The following RFT1 variants were observed in gnomAD, a reference collection of about 807,000 sequenced individuals.
RFT1 encodes the protein man(5)GlcNAc(2)-PP-dolichol translocation protein RFT1.
In RFT1, 43 loss-of-function variants were observed where a neutral mutation model predicts 62.2. The observed-to-expected ratio is 0.69, with a 90% CI of 0.54 to 0.89. The LOEUF is 0.89. Among genes scored for constraint, RFT1 ranks in the 40% least tolerant of loss-of-function variants. The pLI, the probability that RFT1 is intolerant of heterozygous loss-of-function variation, is 0.00. For synonymous variants in RFT1, 262 were observed against 264.6 expected, an observed-to-expected ratio of 0.99 and a Z score of 0.10; for missense variants, 605 against 649.9, an observed-to-expected ratio of 0.93 and a Z score of 0.75.
chr3:53,100,326 G>T (rs1701276687), intron 10 of RFT1, among the ~76,000 whole-genome samples: 1 of 152,222 alleles, frequency 6.6e-6, no homozygotes, highest in South Asian at 2.1e-4. Context: ...GCAGAGAACA[G>T]GAGGCTTACA....
chr3:53,124,609 T>C (rs1445970301), intron 2 of RFT1, among the ~76,000 whole-genome samples: 1 of 152,156 alleles, frequency 6.6e-6, no homozygotes, highest in Non-Finnish European at 1.5e-5. Flanking sequence ...GAAGGCTGCC[T>C]GGGGAGAAAA....
At chr3:53,105,055 C>A (rs1701425058) in intron 9 of RFT1, among the ~76,000 whole-genome samples, 1 of 152,242 alleles carries the variant, frequency 6.6e-6, no homozygotes, top group Admixed American at 6.5e-5. Context: ...CTAAGACTAG[C>A]CCATGGCTGG....
chr3:53,091,713 TC>T lies in RFT1; in HGVS notation c.*189del, dbSNP rs564047932. The T allele has an allele frequency of 2.5e-4, 161 of 637,664 alleles. No homozygotes were observed. Among genetic ancestry groups the T allele is most frequent in the Admixed American group, 7.7e-4 (29 of 37,836 alleles). The allele number at this position is 637,664 out of a possible 1,614,324, so 39.5% of individuals were successfully genotyped here. A position where few individuals can be genotyped will look rare whatever the true frequency, so the allele number is the denominator to read the frequency against. ...TTTGGTCTTCACTTAAAAATGAAAC[TC>T]CCCCCCCGCATTTCAGACTTCGAAT... On this transcript the variant is annotated 3_prime_UTR_variant, in exon 13 of 13. Transcript: ENST00000296292.
At chr3:53,114,348 TAAA>T (rs1701734953) in intron 6 of RFT1, among the ~76,000 whole-genome samples, 1 of 152,220 alleles carries the variant, frequency 6.6e-6, no homozygotes, top group Non-Finnish European at 1.5e-5. Context: ...TTGAGCTCTT[TAAA>T]GACAAAGTTC....
At chr3:53,114,943 T>C (rs929552464) in intron 6 of RFT1, among the ~76,000 whole-genome samples, 5 of 152,224 alleles carry the variant, frequency 3.3e-5, no homozygotes, top group Admixed American at 3.3e-4. Context: ...GGGGCTACCA[T>C]CCTGTCCACT....
chr3:53,076,951 CAAAA>C, the RFT1 span, among the ~76,000 whole-genome samples: 1 of 90,302 alleles, frequency 1.1e-5, no homozygotes, highest in Non-Finnish European at 2.4e-5. Flanking sequence ...GACCTCATCT[CAAAA>C]AAAAAAAAAA....
intron 10 of RFT1, among the ~76,000 whole-genome samples, chr3:53,100,973 A>G (rs945224684): frequency 3.9e-5 from 6 of 151,980 alleles, no homozygotes; most frequent in Non-Finnish European, 8.8e-5. Flanking sequence ...AACTCCCAAA[A>G]AAAACACATA....
chr3:53,096,551 C>G (rs758627989), intron 11 of RFT1, among the ~76,000 whole-genome samples: 1 of 151,714 alleles, frequency 6.6e-6, no homozygotes, highest in Middle Eastern at 3.2e-3. Flanking sequence ...TGGGCATGGT[C>G]GCACACCTGT....
chr3:53,070,436 C>T, the RFT1 span, among the ~76,000 whole-genome samples: 8 of 116,884 alleles, frequency 6.8e-5, no homozygotes, highest in East Asian at 2.3e-3. Flanking sequence ...GAGTCTCACT[C>T]TGTCGCCCAG....
intron 9 of RFT1, 126 bp from the exon 10 acceptor site, chr3:53,104,223 A>C: frequency 2.1e-6 from 2 of 966,946 alleles, no homozygotes; most frequent in Non-Finnish European, 3.1e-6. Flanking sequence ...GATGGATATC[A>C]CTATTTTTTT....
At chr3:53,069,634 G>T in the RFT1 span, among the ~76,000 whole-genome samples, 1 of 152,206 alleles carries the variant, frequency 6.6e-6, no homozygotes, top group African/African-American at 2.4e-5. Context: ...GAAGAGAGAG[G>T]TTTTAGCAAA....
the RFT1 span, among the ~76,000 whole-genome samples, chr3:53,072,646 T>C: frequency 6.6e-6 from 1 of 152,182 alleles, no homozygotes; most frequent in Non-Finnish European, 1.5e-5. Flanking sequence ...TCCCAGGAAG[T>C]AAAAGCCTAA....
the RFT1 span, among the ~76,000 whole-genome samples, chr3:53,083,250 G>A: frequency 0.019 from 2,713 of 140,962 alleles, 100 homozygotes; most frequent in African/African-American, 0.066. Flanking sequence ...AGTGGCTCAC[G>A]CCTGTAATCC....
chr3:53,124,197 G>A (rs1235610172), intron 2 of RFT1, among the ~76,000 whole-genome samples: 3 of 152,178 alleles, frequency 2.0e-5, no homozygotes, highest in African/African-American at 7.2e-5. Flanking sequence ...ACACTGACAC[G>A]AGTGACCGAT....
chr3:53,120,145 T>C (rs1701929641), intron 5 of RFT1, 124 bp from the exon 6 acceptor site: 1 of 805,980 alleles, frequency 1.2e-6, no homozygotes, highest in African/African-American at 1.7e-5. Flanking sequence ...CAGCAATGCC[T>C]TACCCTCTGG....
intron 6 of RFT1, among the ~76,000 whole-genome samples, chr3:53,112,489 CACA>C (rs1235428746): frequency 2.0e-5 from 3 of 152,186 alleles, no homozygotes; most frequent in African/African-American, 7.2e-5. Flanking sequence ...CGCCTATAAT[CACA>C]ACACTTTGGG....
the RFT1 span, among the ~76,000 whole-genome samples, chr3:53,067,267 T>C: frequency 6.6e-6 from 1 of 152,200 alleles, no homozygotes; most frequent in South Asian, 2.1e-4. Context: ...GAGAATCACT[T>C]GAGCCTGGGA....
chr3:53,096,770 A>G (rs1428072044), intron 11 of RFT1, among the ~76,000 whole-genome samples: 1 of 152,178 alleles, frequency 6.6e-6, no homozygotes, highest in African/African-American at 2.4e-5. Flanking sequence ...TTTTTGAGAC[A>G]GAATCTCTCT....
At chr3:53,098,459 C>G (rs1701206815) in intron 11 of RFT1, among the ~76,000 whole-genome samples, 1 of 139,910 alleles carries the variant, frequency 7.1e-6, no homozygotes, top group Non-Finnish European at 1.5e-5. Flanking sequence ...ACCCCATGGC[C>G]AGGCTTCTGA....
Sources: allele counts gnomAD v4.1 joint callset (sites outside exome capture counted in the v4.1 genomes callset), GRCh38; gene constraint gnomAD v4.1.1; transcripts MANE v1.5; gene names NCBI Gene and HGNC (gene_info 2026-07-23, HGNC 2026-07-21).